CNTNAP2: variants seen among roughly 807,000 people sequenced by gnomAD.
CNTNAP2 encodes the protein contactin associated protein 2.
A neutral mutation model predicts 155.2 loss-of-function variants in CNTNAP2; 98 were observed. The ratio of observed to expected loss-of-function variants is 0.63; its 90% CI spans 0.54 to 0.75. The LOEUF (loss-of-function observed/expected upper bound fraction) is 0.75, where lower values mean the gene tolerates loss of function less well. CNTNAP2 is among the 30% of genes least tolerant of loss of function. The pLI is 0.00. For missense variants in CNTNAP2, 1,727 were observed against 1,688.1 expected (o/e 1.02, Z -0.40); for synonymous variants, 651 against 631.2 (o/e 1.03, Z -0.47).
chr7:146,973,462 A>G (rs1216738803), intron 3 of CNTNAP2, among the ~76,000 whole-genome samples: 1 of 152,110 alleles, frequency 6.6e-6, no homozygotes, highest in Non-Finnish European at 1.5e-5. Flanking sequence ...ATGTACGATA[A>G]CCTCCTTTGC....
intron 1 of CNTNAP2, among the ~76,000 whole-genome samples, chr7:146,269,011 C>T (rs1017052726): frequency 1.3e-5 from 2 of 152,142 alleles, no homozygotes; most frequent in Admixed American, 6.5e-5. Context: ...AACAGAGATT[C>T]TTCATAGCAG....
chr7:148,210,053 T>C (rs1373906237), intron 18 of CNTNAP2, among the ~76,000 whole-genome samples: 1 of 152,220 alleles, frequency 6.6e-6, no homozygotes, highest in Non-Finnish European at 1.5e-5. Context: ...AGTTCACAGA[T>C]GGCAGTTATT....
chr7:147,317,304 A>G (rs1304124714), intron 9 of CNTNAP2, among the ~76,000 whole-genome samples: 1 of 151,822 alleles, frequency 6.6e-6, no homozygotes, highest in Non-Finnish European at 1.5e-5. Flanking sequence ...TACCCTTTCC[A>G]CCCTCACTGA....
chr7:147,599,296 G>A (rs1430037522), intron 12 of CNTNAP2, among the ~76,000 whole-genome samples: 1 of 151,624 alleles, frequency 6.6e-6, no homozygotes, highest in Non-Finnish European at 1.5e-5. Context: ...GACCAACATG[G>A]AGAAACCCTG....
intron 21 of CNTNAP2, among the ~76,000 whole-genome samples, chr7:148,312,708 G>A (rs1797615847): frequency 6.6e-6 from 1 of 152,122 alleles, no homozygotes; most frequent in East Asian, 1.9e-4. Context: ...GAATTGTAAG[G>A]GGAGTTTATA....
chr7:147,420,741 A>G (rs1001705371), intron 10 of CNTNAP2, among the ~76,000 whole-genome samples: 2 of 152,210 alleles, frequency 1.3e-5, no homozygotes, highest in African/African-American at 4.8e-5. Flanking sequence ...GATTGACATT[A>G]AAAAATACTT....
intron 14 of CNTNAP2, among the ~76,000 whole-genome samples, chr7:147,943,872 C>T (rs1414299367): frequency 1.5e-5 from 2 of 136,504 alleles, no homozygotes; most frequent in African/African-American, 5.6e-5. Context: ...TAATATTGAA[C>T]AAAAATCACC....
At chr7:148,123,299 A>G (rs1804638997) in intron 16 of CNTNAP2, among the ~76,000 whole-genome samples, 1 of 152,188 alleles carries the variant, frequency 6.6e-6, no homozygotes, top group African/African-American at 2.4e-5. Flanking sequence ...CTGTCATCCC[A>G]GTACTTTGGG....
At chr7:148,158,676 G>T (rs1805453359) in intron 17 of CNTNAP2, among the ~76,000 whole-genome samples, 1 of 152,144 alleles carries the variant, frequency 6.6e-6, no homozygotes, top group South Asian at 2.1e-4. Flanking sequence ...GAAACTAAAG[G>T]TTCACCTTCT....
intron 14 of CNTNAP2, among the ~76,000 whole-genome samples, chr7:147,927,490 T>G (rs1353120774): frequency 1.3e-5 from 2 of 152,202 alleles, no homozygotes; most frequent in Non-Finnish European, 2.9e-5. Flanking sequence ...AGATAACTGA[T>G]GTACTCCGTA....
chr7:146,624,751 T>A (rs1453396861), intron 1 of CNTNAP2, among the ~76,000 whole-genome samples: 1 of 152,014 alleles, frequency 6.6e-6, no homozygotes, highest in Non-Finnish European at 1.5e-5. Context: ...TTTGTTAATA[T>A]CAGTAAGATA....
chr7:147,377,104 T>C (rs748292673), intron 9 of CNTNAP2, among the ~76,000 whole-genome samples: 1 of 151,602 alleles, frequency 6.6e-6, no homozygotes, highest in Non-Finnish European at 1.5e-5. Context: ...TTATTTTGCT[T>C]TTTCTTTTTG....
In CNTNAP2 at chr7:148,068,048, A is replaced by C. The variant is rs528371862; in HGVS notation, c.2384-50070A>C. 5.6e-3 allele frequency among the ~76,000 whole-genome samples: 856 copies of C among 152,204 alleles called. 4 individuals carry two copies. The highest frequency in any genetic ancestry group is 9.5e-3 in the Non-Finnish European group (646 of 67,968). On this transcript the variant is annotated intron_variant, in intron 15 of 23. Transcript: ENST00000361727. ...ATCCAGGTGCCGGTGAGCAGAGCTG[A>C]GGTCTTGTCCCAGACTACAAGCCTC...
chr7:147,188,859 G>T (rs1802622180), intron 8 of CNTNAP2, among the ~76,000 whole-genome samples: 1 of 152,184 alleles, frequency 6.6e-6, no homozygotes, highest in African/African-American at 2.4e-5. Context: ...TAATTGTAGA[G>T]ATTATTCCTT....
chr7:148,141,500 G>A (rs1307334315), intron 16 of CNTNAP2, among the ~76,000 whole-genome samples: 1 of 152,204 alleles, frequency 6.6e-6, no homozygotes, highest in East Asian at 1.9e-4. Flanking sequence ...TCTTTTCAGA[G>A]TATCCATGTG....
At position 147,231,362 on chromosome 7, in the gene CNTNAP2, T is replaced by G. The variant is rs553373812; in HGVS notation, c.1349-68779T>G. On this transcript the variant is annotated intron_variant, in intron 8 of 23. Coordinates refer to ENST00000361727, the MANE Select transcript of CNTNAP2 (RefSeq NM_014141.6). ...ACACTTAGGTTGTTTCTATTACATA[T>G]CTTGGCTCTTGTGAATAATGTGGCA... 3.3e-5 allele frequency among the ~76,000 whole-genome samples: 5 copies of G among 152,364 alleles called. No individual in the cohort carries two copies. The East Asian group carries it at 9.6e-4, about 29-fold the overall frequency.
intron 15 of CNTNAP2, among the ~76,000 whole-genome samples, chr7:148,014,616 C>T (rs1442199899): frequency 1.3e-5 from 2 of 152,168 alleles, no homozygotes; most frequent in African/African-American, 4.8e-5. Context: ...TGGTCACTTC[C>T]CACAAATCCA....
intron 3 of CNTNAP2, among the ~76,000 whole-genome samples, chr7:147,010,812 C>G (rs1798609103): frequency 1.3e-5 from 2 of 152,042 alleles, no homozygotes; most frequent in Non-Finnish European, 2.9e-5. Flanking sequence ...AAGAAATATA[C>G]TGGCTGAGAA....
rs546405932 is a variant in CNTNAP2 at position 146,303,774 on chromosome 7, C to T, written c.97+186801C>T. Reference sequence around the variant, plus strand: ...TTGGGGTGAAGAGTTCTGTAAATGTCTATTAGGTCTGCTTGGTGCAGAGCT... The same window carrying T: ...TTGGGGTGAAGAGTTCTGTAAATGTTTATTAGGTCTGCTTGGTGCAGAGCT... On this transcript the variant is annotated intron_variant, in intron 1 of 23. Coordinates refer to ENST00000361727, the MANE Select transcript of CNTNAP2 (RefSeq NM_014141.6). Among the ~76,000 whole-genome samples the T allele has an allele frequency of 3.9e-5, 6 of 152,182 alleles. No homozygotes were observed. In the South Asian group the frequency reaches 1.0e-3, roughly 26 times the overall value.
Sources: gnomAD v4.1 joint callset for allele counts (sites outside exome capture counted in the v4.1 genomes callset) on GRCh38, gnomAD v4.1.1 for gene constraint, MANE v1.5 for transcripts, NCBI Gene and HGNC (gene_info 2026-07-23, HGNC 2026-07-21) for gene names.